Variants in BRINP3 observed in about 807,000 individuals in gnomAD.
BRINP3 encodes BMP/retinoic acid inducible neural specific 3, also known as BMP/retinoic acid-inducible neural-specific protein 3.
A neutral mutation model predicts 71.0 loss-of-function variants in BRINP3; 19 were observed. The observed-to-expected ratio is 0.27, with a 90% CI of 0.19 to 0.39. BRINP3 has a LOEUF of 0.39. Among genes scored for constraint, BRINP3 ranks in the 10% least tolerant of loss-of-function variants. The probability of loss-of-function intolerance (pLI) is 1.00; values close to 1 mark genes in which losing one functional copy is unlikely to be tolerated. For synonymous variants in BRINP3, 380 were observed against 337.7 expected (o/e 1.13, Z -1.37); for missense variants, 959 against 940.8 (o/e 1.02, Z -0.25).
At chr1:190,462,509 T>C (rs772144181) in intron 1 of BRINP3, among the ~76,000 whole-genome samples, 4 of 152,112 alleles carry the variant, frequency 2.6e-5, no homozygotes, top group Admixed American at 6.5e-5. Flanking sequence ...CCTGTTCCTC[T>C]CCATTTGGAA....
intron 6 of BRINP3, among the ~76,000 whole-genome samples, chr1:190,163,979 G>C (rs1651251930): frequency 6.6e-6 from 1 of 152,046 alleles, no homozygotes; most frequent in Non-Finnish European, 1.5e-5. Context: ...TTAGCAAAAA[G>C]TTTTATTAAC....
chr1:190,392,824 T>C (rs930829952), intron 2 of BRINP3, among the ~76,000 whole-genome samples: 2 of 151,678 alleles, frequency 1.3e-5, no homozygotes, highest in Non-Finnish European at 3.0e-5. Context: ...ATTTGAGGCT[T>C]AAAACAGTAA....
At chr1:190,474,055 A>C (rs1677335064) in intron 1 of BRINP3, among the ~76,000 whole-genome samples, 1 of 152,174 alleles carries the variant, frequency 6.6e-6, no homozygotes, top group Non-Finnish European at 1.5e-5. Flanking sequence ...CCTTAAGAAG[A>C]AGCAATGTTT....
At chr1:190,278,764 A>G (rs1197406132) in intron 3 of BRINP3, among the ~76,000 whole-genome samples, 1 of 151,684 alleles carries the variant, frequency 6.6e-6, no homozygotes, top group Non-Finnish European at 1.5e-5. Flanking sequence ...AAAACTTTCA[A>G]AAAACTGAAG....
At chr1:190,376,770 C>T (rs1670211383) in intron 2 of BRINP3, among the ~76,000 whole-genome samples, 1 of 151,874 alleles carries the variant, frequency 6.6e-6, no homozygotes, top group Admixed American at 6.6e-5. Flanking sequence ...CTAAGTTCTG[C>T]CGATGTTAAT....
At chr1:190,162,064 A>T (rs181227413) in intron 6 of BRINP3, among the ~76,000 whole-genome samples, 1 of 152,318 alleles carries the variant, frequency 6.6e-6, no homozygotes, top group East Asian at 1.9e-4. Context: ...TTATCTGAAA[A>T]AAGAAGGAAA....
intron 6 of BRINP3, among the ~76,000 whole-genome samples, chr1:190,180,231 C>G (rs1042902854): frequency 6.6e-6 from 1 of 152,148 alleles, no homozygotes; most frequent in Admixed American, 6.6e-5. Flanking sequence ...TTAATGAACT[C>G]TCTCTAGGAA....
intron 2 of BRINP3, among the ~76,000 whole-genome samples, chr1:190,409,275 TA>T (rs1672501058): frequency 6.6e-6 from 1 of 152,022 alleles, no homozygotes; most frequent in Admixed American, 6.6e-5. Context: ...ATCAAAAAAC[TA>T]TCTAATAGAA....
At chr1:190,412,663 C>T (rs1270761265) in intron 2 of BRINP3, among the ~76,000 whole-genome samples, 1 of 150,850 alleles carries the variant, frequency 6.6e-6, no homozygotes, top group Non-Finnish European at 1.5e-5. Flanking sequence ...GGGGTTTCAC[C>T]GTTTTAGCCG....
intron 6 of BRINP3, among the ~76,000 whole-genome samples, chr1:190,178,736 C>G (rs1652776630): frequency 6.6e-6 from 1 of 151,768 alleles, no homozygotes; most frequent in South Asian, 2.1e-4. Flanking sequence ...CAGGCAACCA[C>G]TATAGAGATG....
chr1:190,295,514 T>C (rs909779408), intron 2 of BRINP3, among the ~76,000 whole-genome samples: 6 of 152,162 alleles, frequency 3.9e-5, no homozygotes, highest in African/African-American at 1.4e-4. Context: ...CCCAAAGCCA[T>C]GGTCACTACA....
intron 6 of BRINP3, among the ~76,000 whole-genome samples, chr1:190,209,169 A>T (rs541066555): frequency 1.3e-5 from 2 of 152,272 alleles, no homozygotes; most frequent in East Asian, 3.9e-4. Context: ...GTGAAAGAGA[A>T]AGCTTAATCT....
At chr1:190,264,459 C>T (rs536700976) in intron 4 of BRINP3, among the ~76,000 whole-genome samples, 7 of 152,094 alleles carry the variant, frequency 4.6e-5, no homozygotes, top group East Asian at 3.9e-4. Context: ...GTGCCATGGA[C>T]GACTTTAAGC....
At chr1:190,418,918 C>T (rs1558269480) in intron 2 of BRINP3, among the ~76,000 whole-genome samples, 1 of 151,994 alleles carries the variant, frequency 6.6e-6, no homozygotes. Context: ...TTCCTCTGAG[C>T]TTTTATATTT....
At chr1:190,191,112 A>G (rs1470029777) in intron 6 of BRINP3, among the ~76,000 whole-genome samples, 3 of 152,156 alleles carry the variant, frequency 2.0e-5, no homozygotes, top group Non-Finnish European at 4.4e-5. Flanking sequence ...CTTGACAGAT[A>G]AAACTTAACA....
chr1:190,416,496 G>A (rs530638755), intron 2 of BRINP3, among the ~76,000 whole-genome samples: 4 of 152,154 alleles, frequency 2.6e-5, no homozygotes, highest in South Asian at 2.1e-4. Context: ...GAACTTCAGC[G>A]GTTAAACTAC....
intron 2 of BRINP3, chr1:190,302,612 T>A (rs1240645929): frequency 1.3e-5 from 2 of 151,852 alleles, no homozygotes; most frequent in Non-Finnish European, 2.9e-5. Flanking sequence ...CAACCTTTCC[T>A]TAAAAATCCC....
At chr1:190,202,537 T>C (rs971950518) in intron 6 of BRINP3, among the ~76,000 whole-genome samples, 2 of 151,962 alleles carry the variant, frequency 1.3e-5, no homozygotes, top group Admixed American at 1.3e-4. Context: ...GGGCAAGAGG[T>C]GGAATGATAT....
At chr1:190,248,244 T>A (rs1362702156) in intron 4 of BRINP3, among the ~76,000 whole-genome samples, 1 of 151,774 alleles carries the variant, frequency 6.6e-6, no homozygotes, top group African/African-American at 2.4e-5. Context: ...AAAGTACTTT[T>A]GCTTTTATTT....
Sources: gnomAD v4.1 joint callset for allele counts (sites outside exome capture counted in the v4.1 genomes callset) on GRCh38, gnomAD v4.1.1 for gene constraint, MANE v1.5 for transcripts, NCBI Gene and HGNC (gene_info 2026-07-23, HGNC 2026-07-21) for gene names.